The following DACH2 variants were observed in gnomAD, a reference collection of about 807,000 sequenced individuals.
DACH2 encodes the protein dachshund family transcription factor 2, also known as dachshund homolog 2.
A neutral mutation model predicts 35.8 loss-of-function variants in DACH2; 17 were observed. The observed-to-expected ratio is 0.48, with a 90% CI of 0.33 to 0.71. DACH2 has a LOEUF of 0.71. Ranked by LOEUF, DACH2 falls within the 30% of genes least tolerant of loss-of-function variation. The pLI is 0.02. For missense variants in DACH2, 469 were observed against 472.7 expected (o/e 0.99, Z 0.07); for synonymous variants, 195 against 177.3 (o/e 1.10, Z -0.79).
chrX:86,431,951 C>T (rs935603996), intron 2 of DACH2, among the ~76,000 whole-genome samples: 1 of 111,676 alleles, frequency 9.0e-6, no homozygotes, highest in African/African-American at 3.2e-5. Flanking sequence ...AAGAGCTTTC[C>T]ATATTGTTAG....
chrX:86,386,428 C>G (rs1486493728), intron 2 of DACH2, among the ~76,000 whole-genome samples: 1 of 110,865 alleles, frequency 9.0e-6, no homozygotes, highest in African/African-American at 3.3e-5. Context: ...GTAAAGTTTA[C>G]TCTCTTTCTT....
chrX:86,279,387 A>G (rs1422298832), intron 1 of DACH2, among the ~76,000 whole-genome samples: 1 of 111,853 alleles, frequency 8.9e-6, no homozygotes, highest in African/African-American at 3.3e-5. Context: ...CACTGGTAAT[A>G]CCCAGGCAAA....
At chrX:86,633,273 C>T (rs1258563289) in intron 3 of DACH2, among the ~76,000 whole-genome samples, 1 of 110,664 alleles carries the variant, frequency 9.0e-6, no homozygotes, top group Non-Finnish European at 1.9e-5. Flanking sequence ...AGAGACATTA[C>T]TAATGGTACC....
At chrX:86,476,479 G>A (rs1440282164) in intron 2 of DACH2, among the ~76,000 whole-genome samples, 1 of 111,639 alleles carries the variant, frequency 9.0e-6, no homozygotes, top group Non-Finnish European at 1.9e-5. Flanking sequence ...AACTTCTGCA[G>A]TACCAGTTGT....
At chrX:86,394,874 TCTTA>T (rs2036257937) in intron 2 of DACH2, among the ~76,000 whole-genome samples, 1 of 111,841 alleles carries the variant, frequency 8.9e-6, no homozygotes, top group Non-Finnish European at 1.9e-5. Flanking sequence ...TATGAGACAT[TCTTA>T]CTTGTCTTTT....
intron 1 of DACH2, chrX:86,160,927 C>T (rs2030732271): frequency 8.5e-6 from 6 of 709,971 alleles, no homozygotes; most frequent in Non-Finnish European, 1.3e-5. Context: ...AAGGGCTTGT[C>T]AGTTGGACCA....
At chrX:86,207,887 T>C (rs1156352284) in intron 1 of DACH2, among the ~76,000 whole-genome samples, 1 of 111,759 alleles carries the variant, frequency 8.9e-6, no homozygotes. Flanking sequence ...GGTAAAAATT[T>C]GGACTGAACC....
intron 2 of DACH2, among the ~76,000 whole-genome samples, chrX:86,480,224 G>T (rs770391814): frequency 8.9e-6 from 1 of 112,559 alleles, no homozygotes; most frequent in East Asian, 2.8e-4. Flanking sequence ...TTGCAGACTT[G>T]CAGAGGTACC....
chrX:86,284,906 A>G (rs931101139), intron 1 of DACH2, among the ~76,000 whole-genome samples: 2 of 111,631 alleles, frequency 1.8e-5, no homozygotes, highest in African/African-American at 6.5e-5. Flanking sequence ...CATTTCTTCT[A>G]GATTTTCCAA....
chrX:86,520,603 A>G (rs1413848475), intron 3 of DACH2, among the ~76,000 whole-genome samples: 1 of 111,642 alleles, frequency 9.0e-6, no homozygotes, highest in Non-Finnish European at 1.9e-5. Flanking sequence ...GAGTGCATAT[A>G]TATTTAGGAT....
chrX:86,290,893 C>G (rs2034273326), intron 1 of DACH2, among the ~76,000 whole-genome samples: 1 of 107,384 alleles, frequency 9.3e-6, no homozygotes, highest in Non-Finnish European at 1.9e-5. Context: ...TTAGGATTGA[C>G]TTGGCGATGC....
chrX:86,452,395 A>G (rs192416589), intron 2 of DACH2, among the ~76,000 whole-genome samples: 2 of 111,491 alleles, frequency 1.8e-5, no homozygotes, highest in East Asian at 5.7e-4. Flanking sequence ...TTTCAGTAGA[A>G]ATGGTGCTAG....
chrX:86,783,680 C>G lies in DACH2; in HGVS notation c.1241-29176C>G, dbSNP rs1292983528. ...AGTCAGACACAGAACAAAAAACTTTCCAACAACATGGATCAAATTGGAGAT... is the reference window on the plus strand; with the variant it reads ...AGTCAGACACAGAACAAAAAACTTTGCAACAACATGGATCAAATTGGAGAT... On this transcript the variant is annotated intron_variant, in intron 7 of 11. Transcript: ENST00000373125. Among the ~76,000 whole-genome samples, 3 of 111,721 alleles carry G rather than the reference C, an allele frequency of 2.7e-5. No homozygotes were observed. In the South Asian group the frequency reaches 1.1e-3, roughly 41 times the overall value.
At chrX:86,556,781 TATATATATATATATAGAGAGAGAG>T (rs1441324325) in intron 3 of DACH2, among the ~76,000 whole-genome samples, 105 of 62,913 alleles carry the variant, frequency 1.7e-3, no homozygotes, top group African/African-American at 6.6e-3. Flanking sequence ...TATATATATA[TATATATATATATATAGAGAGAGAG>T]AGAGAGAGAG....
chrX:86,797,336 C>G (rs1204031751), intron 7 of DACH2, among the ~76,000 whole-genome samples: 1 of 109,996 alleles, frequency 9.1e-6, no homozygotes, highest in African/African-American at 3.3e-5. Flanking sequence ...TTTATATTTG[C>G]AGGTTACTAA....
chrX:86,576,385 A>G (rs968718791), intron 3 of DACH2, among the ~76,000 whole-genome samples: 2 of 111,828 alleles, frequency 1.8e-5, no homozygotes, highest in East Asian at 2.8e-4. Context: ...TTTTAAAAAC[A>G]TACATTTTTA....
intron 3 of DACH2, among the ~76,000 whole-genome samples, chrX:86,592,759 T>C (rs2039663420): frequency 1.8e-5 from 2 of 112,097 alleles, no homozygotes; most frequent in Non-Finnish European, 3.8e-5. Context: ...GATTTATATC[T>C]AGTTATTTCA....
At chrX:86,486,310 G>A (rs978741649) in intron 2 of DACH2, among the ~76,000 whole-genome samples, 11 of 110,744 alleles carry the variant, frequency 9.9e-5, no homozygotes, top group African/African-American at 3.0e-4. Flanking sequence ...TCCATTTTTT[G>A]TTAGTTTTCT....
At chrX:86,705,377 A>C in intron 5 of DACH2, among the ~76,000 whole-genome samples, 1 of 110,096 alleles carries the variant, frequency 9.1e-6, no homozygotes, top group South Asian at 3.8e-4. Flanking sequence ...AAAATCTCAG[A>C]AATTACCAAA....
Sources: gnomAD v4.1 joint callset for allele counts (sites outside exome capture counted in the v4.1 genomes callset) on GRCh38, gnomAD v4.1.1 for gene constraint, MANE v1.5 for transcripts, NCBI Gene and HGNC (gene_info 2026-07-23, HGNC 2026-07-21) for gene names.